Variants in NXN observed in about 807,000 individuals in gnomAD.
The protein encoded by NXN is nucleoredoxin.
Under a neutral mutation model 48.6 loss-of-function variants are expected in NXN, and 16 were observed. The ratio of observed to expected loss-of-function variants is 0.33; its 90% CI spans 0.22 to 0.50. The LOEUF is 0.50. NXN is among the 20% of genes least tolerant of loss of function. The pLI, the probability that NXN is intolerant of heterozygous loss-of-function variation, is 0.98. For missense variants in NXN, 492 were observed against 605.5 expected (o/e 0.81, Z 1.97); for synonymous variants, 281 against 269.6 (o/e 1.04, Z -0.41).
rs1234067811 is a variant in NXN, at chr17:956,643, G to C, written c.360+22676C>G. On this transcript the variant is annotated intron_variant, in intron 1 of 7. Coordinates refer to ENST00000336868, the MANE Select transcript of NXN (RefSeq NM_022463.5). This position sits in a 1 kb window ranked among gnomAD's most constrained non-coding sequence, Gnocchi z 4.1. ...TTAGCCAGGATGGTCTCGATCTCCA[G>C]ACCTCAGGTGATCCGTCCACCTCAG... 6.6e-6 allele frequency among the ~76,000 whole-genome samples: 1 copy of C among 152,144 alleles called. No homozygotes were observed. The highest frequency in any genetic ancestry group is 6.6e-5 in the Admixed American group (1 of 15,266).
In NXN at chr17:958,684, T is replaced by C. The variant is rs1225293361; in HGVS notation, c.360+20635A>G. Among the ~76,000 whole-genome samples, 1 of 152,044 alleles carries C rather than the reference T, an allele frequency of 6.6e-6. No individual in the cohort carries two copies. Among genetic ancestry groups the C allele is most frequent in the Non-Finnish European group, 1.5e-5 (1 of 68,016 alleles). On this transcript the variant is annotated intron_variant, in intron 1 of 7. Transcript: ENST00000336868. This position sits in a 1 kb window ranked among gnomAD's most constrained non-coding sequence, Gnocchi z 6.9. ...TACTCAGGAGGCTGAGGCAGGAGAA[T>C]CACCGAGGCGGAGGTAGAAGTGAGC...
At chr17:812,955 GGTGTGCATGTTT>G (rs1464719905) in intron 5 of NXN, among the ~76,000 whole-genome samples, 1 of 149,348 alleles carries the variant, frequency 6.7e-6, no homozygotes, top group African/African-American at 2.5e-5. Context: ...TGTGAGTGTA[GGTGTGCATGTTT>G]GTAGGTGTGT....
At chr17:928,213 G>T (rs768667113) in intron 1 of NXN, among the ~76,000 whole-genome samples, 1 of 152,150 alleles carries the variant, frequency 6.6e-6, no homozygotes, top group African/African-American at 2.4e-5. Context: ...TCCAGGCAGC[G>T]GGGGTCTCAG....
chr17:819,218 G>A (rs1416063369), intron 5 of NXN: 14 of 550,642 alleles, frequency 2.5e-5, no homozygotes, highest in South Asian at 2.5e-4. Context: ...AAGTGCTGGG[G>A]TTACAGTGTG....
intron 1 of NXN, chr17:864,114 C>T (rs1043592804): frequency 5.5e-6 from 8 of 1,466,148 alleles, no homozygotes; most frequent in African/African-American, 4.4e-5. Flanking sequence ...GCACGTTTAC[C>T]GTTGCTCACT....
Position 841,547 on chromosome 17 carries a change from C to A in NXN, c.361-15469G>T, listed in dbSNP as rs72810300. Among the ~76,000 whole-genome samples the A allele has an allele frequency of 2.3e-4, 8 of 34,874 alleles. 1 individual carries two copies. The highest frequency in any genetic ancestry group is 3.7e-4 in the Non-Finnish European group (7 of 18,988). The allele number at this position is 34,874 out of a possible 152,430, so 22.9% of individuals were successfully genotyped here. A position where few individuals can be genotyped will look rare whatever the true frequency, so the allele number is the denominator to read the frequency against. ...CCCCCGACCATGGAGCATCTCACGCCGGCGAGCAGGTCCCCCCTGACCACG... is the reference window on the plus strand; with the variant it reads ...CCCCCGACCATGGAGCATCTCACGCAGGCGAGCAGGTCCCCCCTGACCACG... On this transcript the variant is annotated intron_variant, in intron 1 of 7. Transcript: ENST00000336868.
intron 7 of NXN, among the ~76,000 whole-genome samples, chr17:803,240 C>T (rs771849540): frequency 5.9e-5 from 9 of 152,218 alleles, no homozygotes; most frequent in Non-Finnish European, 1.0e-4. Context: ...CAGCACTCAC[C>T]GGGCCGGCTG....
chr17:972,495 G>A (rs996657552), intron 1 of NXN, among the ~76,000 whole-genome samples: 1 of 151,890 alleles, frequency 6.6e-6, no homozygotes, highest in African/African-American at 2.4e-5. Flanking sequence ...AAGAAAAAAA[G>A]GAAAGAAAAC....
At chr17:900,679 T>C (rs1425083411) in intron 1 of NXN, among the ~76,000 whole-genome samples, 1 of 152,140 alleles carries the variant, frequency 6.6e-6, no homozygotes, top group African/African-American at 2.4e-5. Context: ...CCCTAAACTT[T>C]AGCACTTTAT....
intron 5 of NXN, among the ~76,000 whole-genome samples, chr17:808,676 G>T (rs1205080326): frequency 1.2e-4 from 16 of 128,972 alleles, no homozygotes; most frequent in East Asian, 4.8e-4. Flanking sequence ...TTATAAACCA[G>T]TTTTTTTTTT....
At chr17:954,679 G>T (rs1019338928) in intron 1 of NXN, among the ~76,000 whole-genome samples, 1 of 152,192 alleles carries the variant, frequency 6.6e-6, no homozygotes, top group Non-Finnish European at 1.5e-5. Flanking sequence ...CTCGGGAAGG[G>T]GGCTAACTGC....
intron 1 of NXN, among the ~76,000 whole-genome samples, chr17:906,943 T>A (rs955154653): frequency 3.9e-5 from 6 of 152,062 alleles, no homozygotes; most frequent in African/African-American, 1.4e-4. Flanking sequence ...GACTAGATCA[T>A]CCTCAAACAG....
chr17:908,705 T>A (rs2068603808), intron 1 of NXN, among the ~76,000 whole-genome samples: 1 of 152,178 alleles, frequency 6.6e-6, no homozygotes, highest in African/African-American at 2.4e-5. Context: ...CACCAACAAC[T>A]GTCTTCAGAC....
intron 1 of NXN, among the ~76,000 whole-genome samples, chr17:838,282 C>T (rs556700344): frequency 1.3e-5 from 2 of 152,168 alleles, no homozygotes; most frequent in Admixed American, 6.5e-5. Flanking sequence ...CAGGTGCCCA[C>T]CACCACACCC....
chr17:924,409 G>C (rs2068778594), intron 1 of NXN, among the ~76,000 whole-genome samples: 1 of 152,146 alleles, frequency 6.6e-6, no homozygotes, highest in South Asian at 2.1e-4. Flanking sequence ...GGCTAATTTT[G>C]TATTTTTAGT....
rs777902672 is a variant in NXN, at chr17:819,456, C to T, written c.803G>A (p.Arg268Gln). ...TDEARRSRLN[R>Q]LYGIQGIPTL... ...GCGCCTACCTTGGATTCCGTACAGC[C>T]GGTTGAGGCGCGACCGCCGGGCCTC... The change falls in exon 5 of 8, where the codon CGG becomes CAG. Residue 268 changes from arginine to glutamine, a missense_variant. Arg to Gln is a conservative substitution (Grantham distance 43, BLOSUM62 1). This residue lies in a region of NXN where 303 missense variants were observed against 388.3 expected (regional missense o/e 0.78). Coordinates refer to ENST00000336868, the MANE Select transcript of NXN (RefSeq NM_022463.5). The T allele has an allele frequency of 2.1e-5, 34 of 1,613,986 alleles. No homozygotes were observed. Among genetic ancestry groups the T allele is most frequent in the Non-Finnish European group, 2.6e-5 (31 of 1,179,994 alleles).
rs192252777 is a variant in NXN at position 852,911 on chromosome 17, T to G, written c.361-26833A>C. 3.9e-4 allele frequency among the ~76,000 whole-genome samples: 60 copies of G among 152,234 alleles called. 1 individual carries two copies. The highest frequency in any genetic ancestry group is 1.3e-3 in the African/African-American group (54 of 41,556). On this transcript the variant is annotated intron_variant, in intron 1 of 7. Transcript: ENST00000336868. ...GACACCTCAGAGTCCCAGGGACTCA[T>G]GCAGATTTCCAGGCCCCACCTCTGA...
intron 1 of NXN, among the ~76,000 whole-genome samples, chr17:905,951 T>A (rs2144909249): frequency 1.3e-5 from 2 of 148,384 alleles, no homozygotes; most frequent in Middle Eastern, 3.6e-3. Flanking sequence ...TACTCCAGCC[T>A]GAACTACAGA....
chr17:825,513 G>A lies in NXN; in HGVS notation c.478+448C>T, dbSNP rs1260038102. 3 of 164,108 alleles carry A rather than the reference G, an allele frequency of 1.8e-5. No individual in the cohort carries two copies. The highest frequency in any genetic ancestry group is 1.1e-4 in the Admixed American group (2 of 17,932). The allele number at this position is 164,108 out of a possible 1,614,324, so 10.2% of individuals were successfully genotyped here. A position where few individuals can be genotyped will look rare whatever the true frequency, so the allele number is the denominator to read the frequency against. ...GCAGGGAGTGACAGCTCCAAGCAAC[G>A]AGGTGCACTCACCGCCAAGGCCAGG... On this transcript the variant is annotated intron_variant, in intron 2 of 7. Transcript: ENST00000336868. The surrounding 1 kb of genome is among the most constrained non-coding windows in gnomAD (Gnocchi z 4.1).
Sources: allele counts gnomAD v4.1 joint callset (sites outside exome capture counted in the v4.1 genomes callset), GRCh38; gene constraint gnomAD v4.1.1; regional missense constraint gnomAD v4.1.1; non-coding constraint Gnocchi (gnomAD v3.1); transcripts MANE v1.5; gene names NCBI Gene and HGNC (gene_info 2026-07-23, HGNC 2026-07-21).